The following UBE2E2 variants were observed in gnomAD, a reference collection of about 807,000 sequenced individuals.
UBE2E2 encodes the protein ubiquitin-conjugating enzyme E2 E2.
Under a neutral mutation model 24.7 loss-of-function variants are expected in UBE2E2, and 6 were observed. The observed-to-expected ratio is 0.24, with a 90% CI of 0.13 to 0.48. UBE2E2 has a LOEUF of 0.48. UBE2E2 is among the 20% of genes least tolerant of loss of function. The pLI is 0.99. For missense variants in UBE2E2, 169 were observed against 245.0 expected, an observed-to-expected ratio of 0.69 and a Z score of 2.07; for synonymous variants, 104 against 83.6, an observed-to-expected ratio of 1.24 and a Z score of -1.33.
intron 3 of UBE2E2, among the ~76,000 whole-genome samples, chr3:23,429,577 C>A (rs1698006370): frequency 6.6e-6 from 1 of 152,086 alleles, no homozygotes; most frequent in Non-Finnish European, 1.5e-5. Context: ...AAATTCAACA[C>A]CTATTCATGA....
chr3:23,562,368 C>T (rs1015041444), intron 5 of UBE2E2, among the ~76,000 whole-genome samples: 1 of 152,068 alleles, frequency 6.6e-6, no homozygotes, highest in African/African-American at 2.4e-5. Context: ...TGCTGGATTA[C>T]GTTTATTGAT....
intron 3 of UBE2E2, among the ~76,000 whole-genome samples, chr3:23,262,489 T>G (rs1697931575): frequency 6.6e-6 from 1 of 152,142 alleles, no homozygotes; most frequent in Non-Finnish European, 1.5e-5. Context: ...TTATGTTGCC[T>G]AGGCTGGTCT....
intron 3 of UBE2E2, among the ~76,000 whole-genome samples, chr3:23,284,964 T>A (rs72625864): frequency 0.23 from 26,883 of 117,982 alleles, 2,985 homozygotes; most frequent in Middle Eastern, 0.37. Context: ...GAAAAAAAAA[T>A]ATATATATAT....
At chr3:23,274,524 T>G (rs1394478107) in intron 3 of UBE2E2, among the ~76,000 whole-genome samples, 3 of 148,888 alleles carry the variant, frequency 2.0e-5, no homozygotes, top group Non-Finnish European at 4.5e-5. Flanking sequence ...CCTGGCTAAT[T>G]TTTTTTTTTG....
chr3:23,334,448 T>C (rs1695152035), intron 3 of UBE2E2, among the ~76,000 whole-genome samples: 1 of 152,196 alleles, frequency 6.6e-6, no homozygotes, highest in Non-Finnish European at 1.5e-5. Context: ...TGGTGGTACC[T>C]ACTCATAGGA....
intron 3 of UBE2E2, among the ~76,000 whole-genome samples, chr3:23,291,919 C>A (rs1415387093): frequency 7.5e-6 from 1 of 132,898 alleles, no homozygotes; most frequent in East Asian, 2.3e-4. Flanking sequence ...AGTGCAGTGG[C>A]ACGATCTCGG....
At chr3:23,545,891 A>G (rs1195648005) in intron 5 of UBE2E2, among the ~76,000 whole-genome samples, 3 of 152,190 alleles carry the variant, frequency 2.0e-5, no homozygotes, top group Non-Finnish European at 4.4e-5. Flanking sequence ...CCTTTATTCT[A>G]AGTGAAGTAA....
chr3:23,217,808 T>C (rs1422455395), intron 3 of UBE2E2, among the ~76,000 whole-genome samples: 1 of 152,136 alleles, frequency 6.6e-6, no homozygotes, highest in Non-Finnish European at 1.5e-5. Context: ...TGATGTTAAA[T>C]GTAAAACTCT....
At chr3:23,304,236 T>G (rs1054121261) in intron 3 of UBE2E2, among the ~76,000 whole-genome samples, 1 of 152,182 alleles carries the variant, frequency 6.6e-6, no homozygotes, top group Non-Finnish European at 1.5e-5. Flanking sequence ...GGTAAATATT[T>G]TCAAATAAAG....
chr3:23,313,118 A>G (rs539302620), intron 3 of UBE2E2, among the ~76,000 whole-genome samples: 23 of 152,102 alleles, frequency 1.5e-4, no homozygotes, highest in Non-Finnish European at 2.9e-4. Flanking sequence ...CATTTGGCCT[A>G]CAGTGCGGAT....
intron 3 of UBE2E2, among the ~76,000 whole-genome samples, chr3:23,350,155 A>G (rs1352933116): frequency 6.6e-6 from 1 of 152,240 alleles, no homozygotes; most frequent in Non-Finnish European, 1.5e-5. Flanking sequence ...GCAAACTCCA[A>G]CAGACCTGCA....
intron 3 of UBE2E2, among the ~76,000 whole-genome samples, chr3:23,334,371 G>C (rs1209551336): frequency 6.6e-6 from 1 of 151,952 alleles, no homozygotes. Flanking sequence ...AAGCCCTCGA[G>C]ATCTCTTTCT....
chr3:23,298,366 A>T (rs1210774477), intron 3 of UBE2E2, among the ~76,000 whole-genome samples: 1 of 151,922 alleles, frequency 6.6e-6, no homozygotes, highest in Non-Finnish European at 1.5e-5. Context: ...GTCTTGTGCC[A>T]GTTTTCAAAG....
chr3:23,372,478 G>T (rs913764863), intron 3 of UBE2E2, among the ~76,000 whole-genome samples: 2 of 152,154 alleles, frequency 1.3e-5, no homozygotes, highest in Non-Finnish European at 2.9e-5. Context: ...TCAGCAGGGG[G>T]TTAGCAGCAC....
chr3:23,574,764 G>T (rs548876331), intron 5 of UBE2E2, among the ~76,000 whole-genome samples: 1 of 152,132 alleles, frequency 6.6e-6, no homozygotes, highest in African/African-American at 2.4e-5. Context: ...TTAAGAAGCA[G>T]ACATAAGACT....
At chr3:23,259,628 G>A (rs955972653) in intron 3 of UBE2E2, among the ~76,000 whole-genome samples, 7 of 151,546 alleles carry the variant, frequency 4.6e-5, no homozygotes, top group African/African-American at 1.7e-4. Context: ...GTAAAATTTA[G>A]GGGCCAAAGG....
rs1321019625 is a variant in UBE2E2 at position 23,367,514 on chromosome 3, TG to T, written c.228-132093del. ...AGGGTTTGGAGAACTGCTTGATGAC[TG>T]ATCACGCAGAGGGTGGTATGCCCAG... On this transcript the variant is annotated intron_variant, in intron 3 of 5. Coordinates refer to ENST00000396703, the MANE Select transcript of UBE2E2 (RefSeq NM_152653.4). Among the ~76,000 whole-genome samples the T allele has an allele frequency of 2.0e-5, 3 of 152,214 alleles. No individual in the cohort carries two copies. The East Asian group carries it at 5.8e-4, about 29-fold the overall frequency.
chr3:23,438,329 A>T (rs1254686310), intron 3 of UBE2E2, among the ~76,000 whole-genome samples: 2 of 152,174 alleles, frequency 1.3e-5, no homozygotes, highest in Non-Finnish European at 2.9e-5. Context: ...ATTATGGAGG[A>T]TTTAGGGTAC....
intron 3 of UBE2E2, among the ~76,000 whole-genome samples, chr3:23,257,411 G>T (rs1016142981): frequency 2.0e-5 from 3 of 150,716 alleles, no homozygotes; most frequent in African/African-American, 7.3e-5. Flanking sequence ...TTCATAAGTG[G>T]AGGTCTGCAA....
Sources: allele counts gnomAD v4.1 joint callset (sites outside exome capture counted in the v4.1 genomes callset), GRCh38; gene constraint gnomAD v4.1.1; transcripts MANE v1.5; gene names NCBI Gene and HGNC (gene_info 2026-07-23, HGNC 2026-07-21).